LENG8: variants seen among roughly 807,000 people sequenced by gnomAD.
The protein encoded by LENG8 is leukocyte receptor cluster member 8.
A neutral mutation model predicts 102.1 loss-of-function variants in LENG8; 28 were observed. The observed-to-expected ratio is 0.27, with a 90% CI of 0.20 to 0.38. The LOEUF (loss-of-function observed/expected upper bound fraction) is 0.38, where lower values mean the gene tolerates loss of function less well. Ranked by LOEUF, LENG8 falls within the 10% of genes least tolerant of loss-of-function variation. The probability of loss-of-function intolerance (pLI) is 1.00; values close to 1 mark genes in which losing one functional copy is unlikely to be tolerated. For synonymous variants in LENG8, 531 were observed against 456.7 expected (o/e 1.16, Z -2.07); for missense variants, 1,022 against 1,113.9 (o/e 0.92, Z 1.17).
rs551492846 is a variant in LENG8, at chr19:54,449,226, G to T, written c.-140G>T. On this transcript the variant is annotated 5_prime_UTR_variant, in exon 1 of 16. Coordinates refer to ENST00000326764, the MANE Select transcript of LENG8 (RefSeq NM_052925.4). Reference sequence around the variant, plus strand: ...TCGAAGCCAAAGAAGACCAGAGCCAGCCGGGTGGCACAGCGGTGTCGTGGC... The same window carrying T: ...TCGAAGCCAAAGAAGACCAGAGCCATCCGGGTGGCACAGCGGTGTCGTGGC... The T allele has an allele frequency of 6.6e-6, 1 of 152,502 alleles. No individual in the cohort carries two copies. The highest frequency in any genetic ancestry group is 2.4e-5 in the African/African-American group (1 of 41,466). 9.4% of individuals were successfully genotyped at this position (152,502 alleles called of 1,614,324 possible). A position where few individuals can be genotyped will look rare whatever the true frequency, so the allele number is the denominator to read the frequency against.
intron 5 of LENG8, 126 bp downstream of exon 5, chr19:54,453,782 C>G: frequency 2.9e-6 from 2 of 682,828 alleles, no homozygotes; most frequent in Non-Finnish European, 5.0e-6. Flanking sequence ...AACTCCTGAT[C>G]TGAAAATGAG....
chr19:54,457,870 G>T lies in LENG8; in HGVS notation c.1833+22G>T, dbSNP rs377736426. 6 of 1,613,122 alleles carry T rather than the reference G, an allele frequency of 3.7e-6. No homozygotes were observed. In the Admixed American group the frequency reaches 1.0e-4, roughly 27 times the overall value. ...GACGGTGAGACTCGCGCTGGGAGGG[G>T]CCTGGCCTCAGCCAGTCCTGCCTCC... On this transcript the variant is annotated intron_variant, in intron 12 of 15. Transcript: ENST00000326764.
rs1382623985 is a variant in LENG8 at position 54,458,708 on chromosome 19, C to T, written c.2240+187C>T. 5 of 1,551,432 alleles carry T rather than the reference C, an allele frequency of 3.2e-6. 1 individual carries two copies. The highest frequency in any genetic ancestry group is 4.9e-5 in the East Asian group (2 of 40,910). On this transcript the variant is annotated intron_variant, in intron 15 of 15. Transcript: ENST00000326764. ...TTCCTCTTGCTCTCCTTGTTGGTCACCTCTGTGTTCCGGGTCACTCCTCTC... is the reference window on the plus strand; with the variant it reads ...TTCCTCTTGCTCTCCTTGTTGGTCATCTCTGTGTTCCGGGTCACTCCTCTC...
intron 15 of LENG8, 47 bp from the exon 16 acceptor site, chr19:54,460,719 G>GGGCCAACC: frequency 1.3e-6 from 1 of 778,916 alleles, no homozygotes; most frequent in Non-Finnish European, 1.8e-6. Context: ...GCCCTCCCCT[G>GGGCCAACC]CCCTCCCGCC....
At chr19:54,455,645 C>G (rs879391375) in intron 8 of LENG8, 78 bp downstream of exon 8, 1 of 1,302,900 alleles carries the variant, frequency 7.7e-7, no homozygotes, top group Non-Finnish European at 1.1e-6. Flanking sequence ...AGGAGAGTTG[C>G]GGGTCCCAGG....
At chr19:54,460,497 C>T (rs1172590877) in intron 15 of LENG8, 1 of 1,362,626 alleles carries the variant, frequency 7.3e-7, no homozygotes, top group Non-Finnish European at 9.5e-7. Context: ...GAGGAGCCCG[C>T]TGGGCCCTTC....
chr19:54,455,192 C>T (rs969873616), intron 7 of LENG8, 100 bp downstream of exon 7: 32 of 1,536,650 alleles, frequency 2.1e-5, no homozygotes, highest in African/African-American at 5.5e-5. Flanking sequence ...CCTCAGTGTG[C>T]GCCTCTGAAA....
Position 54,454,697 on chromosome 19 carries a change from C to G in LENG8, c.679+15C>G. On this transcript the variant is annotated intron_variant, in intron 6 of 15. Transcript: ENST00000326764. The stretch of plus-strand genomic sequence containing the variant: ...CCGCATGAAACGTAAGTTGGCAGAG[C>G]TACGTGGAGGTCCGAGCGGTTGGGC... 6.3e-7 allele frequency: 1 copy of G among 1,581,688 alleles called. No homozygotes were observed. Among genetic ancestry groups the G allele is most frequent in the Non-Finnish European group, 8.6e-7 (1 of 1,165,676 alleles).
At chr19:54,460,719 G>GGGGCCCCCC in intron 15 of LENG8, 47 bp from the exon 16 acceptor site, 1 of 778,916 alleles carries the variant, frequency 1.3e-6, no homozygotes. Flanking sequence ...GCCCTCCCCT[G>GGGGCCCCCC]CCCTCCCGCC....
In LENG8 at chr19:54,456,758, G is replaced by A. The variant is rs142997314; in HGVS notation, c.1568G>A (p.Arg523His). Reference protein sequence around the residue: ...AARFQHGHSRRLRLEPLVLQM... With the variant: ...AARFQHGHSRHLRLEPLVLQM... ...CGCTTCCAGCACGGACACTCCCGCC[G>A]CCTGCGCCTCGAGCCCCTGGTGCTG... Residue 523 changes from arginine to histidine, a missense_variant, in exon 11 of 16, where the codon CGC becomes CAC. By Grantham distance (29) the Arg-to-His change is conservative. Around this residue, in one of 7 missense-constraint regions of LENG8, gnomAD observed 326 missense variants for 324.5 expected, o/e 1.00. Coordinates refer to ENST00000326764, the MANE Select transcript of LENG8 (RefSeq NM_052925.4). 6.0e-5 allele frequency: 97 copies of A among 1,611,268 alleles called. No homozygotes were observed. The East Asian group carries it at 7.4e-4, about 12-fold the overall frequency.
chr19:54,452,841 G>A lies in LENG8; in HGVS notation c.315+89G>A, dbSNP rs78289579. The A allele has an allele frequency of 0.034, 30,132 of 889,364 alleles. 1,019 individuals carry two copies. Among genetic ancestry groups the A allele is most frequent in the South Asian group, 0.13 (9,010 of 71,266 alleles). The allele number at this position is 889,364 out of a possible 1,614,324, so 55.1% of individuals were successfully genotyped here. A position where few individuals can be genotyped will look rare whatever the true frequency, so the allele number is the denominator to read the frequency against. On this transcript the variant is annotated intron_variant, in intron 4 of 15. Transcript: ENST00000326764. Reference sequence around the variant, plus strand: ...AAGTGGAGTCTGCCGGGATGGGGCTGGGTGGTGGATGGACTGGAGATCGCA... The same window carrying A: ...AAGTGGAGTCTGCCGGGATGGGGCTAGGTGGTGGATGGACTGGAGATCGCA...
Position 54,456,947 on chromosome 19 carries a change from C to T in LENG8, c.1731+26C>T, listed in dbSNP as rs1319145552. 3 of 1,579,274 alleles carry T rather than the reference C, an allele frequency of 1.9e-6. No individual in the cohort carries two copies. In the African/African-American group the frequency reaches 4.0e-5, roughly 21 times the overall value. ...GTAAGTGCCCAGCAGGGCAGTTCTG[C>T]TCTGTGAGGCCGTGCTGGCTCAGGA... On this transcript the variant is annotated intron_variant, in intron 11 of 15. Coordinates refer to ENST00000326764, the MANE Select transcript of LENG8 (RefSeq NM_052925.4).
intron 10 of LENG8, 48 bp from the exon 11 acceptor site, chr19:54,456,588 G>T (rs568673565): frequency 9.6e-6 from 15 of 1,563,410 alleles, no homozygotes; most frequent in Admixed American, 1.9e-5. Flanking sequence ...GAGGCTGAAG[G>T]GGGGCTGGAG....
chr19:54,458,902 C>T (rs1388779757), intron 15 of LENG8: 2 of 1,542,148 alleles, frequency 1.3e-6, no homozygotes, highest in Non-Finnish European at 1.7e-6. Flanking sequence ...GTGCTCCCAC[C>T]ATAGAGACCA....
chr19:54,456,971 G>A, intron 11 of LENG8, 50 bp downstream of exon 11: 2 of 1,527,322 alleles, frequency 1.3e-6, no homozygotes, highest in Non-Finnish European at 1.8e-6. Context: ...GCTGGCTCAG[G>A]ACTTGGGGAG....
chr19:54,449,682 A>T (rs886295482), intron 1 of LENG8: 2 of 151,920 alleles, frequency 1.3e-5, no homozygotes, highest in African/African-American at 4.8e-5. Context: ...AGTCGTGGGG[A>T]TCCGAGCGGC....
intron 4 of LENG8, 98 bp from the exon 5 acceptor site, chr19:54,453,448 G>C: frequency 1.3e-6 from 1 of 753,580 alleles, no homozygotes; most frequent in Non-Finnish European, 2.4e-6. Flanking sequence ...AGGGGTGAGG[G>C]ATTGGTAGAG....
At chr19:54,454,709 C>T in intron 6 of LENG8, 27 bp downstream of exon 6, 6 of 1,567,752 alleles carry the variant, frequency 3.8e-6, no homozygotes, top group Admixed American at 1.7e-5. Flanking sequence ...ACGTGGAGGT[C>T]CGAGCGGTTG....
intron 15 of LENG8, chr19:54,458,776 C>T (rs1320771561): frequency 3.3e-5 from 51 of 1,551,126 alleles, no homozygotes; most frequent in Non-Finnish European, 4.1e-5. Flanking sequence ...GGGGCCTCTT[C>T]TCCACCCCAT....
Sources: allele counts gnomAD v4.1 joint callset, GRCh38; gene constraint gnomAD v4.1.1; regional missense constraint gnomAD v4.1.1; transcripts MANE v1.5; gene names NCBI Gene and HGNC (gene_info 2026-07-23, HGNC 2026-07-21).